The following FOXRED2 variants were observed in gnomAD, a reference collection of about 807,000 sequenced individuals.
FOXRED2 encodes FAD dependent oxidoreductase domain containing 2, also known as FAD-dependent oxidoreductase domain-containing protein 2.
FOXRED2 carries 32 observed loss-of-function variants against 52.5 expected under a neutral mutation model. The observed-to-expected ratio is 0.61, with a 90% CI of 0.46 to 0.82. FOXRED2 has a LOEUF of 0.82. Among genes scored for constraint, FOXRED2 ranks in the 40% least tolerant of loss-of-function variants. FOXRED2 has a pLI of 0.00. For missense variants in FOXRED2, 848 were observed against 937.5 expected, an observed-to-expected ratio of 0.90 and a Z score of 1.25; for synonymous variants, 405 against 398.1, an observed-to-expected ratio of 1.02 and a Z score of -0.21.
chr22:36,491,392 T>G (rs1040937086), intron 8 of FOXRED2, among the ~76,000 whole-genome samples: 1 of 151,132 alleles, frequency 6.6e-6, no homozygotes, highest in African/African-American at 2.4e-5. Flanking sequence ...ATCACAGGAG[T>G]GGTTTCTTTT....
chr22:36,501,493 T>G lies in FOXRED2; in HGVS notation c.1050-86A>C, dbSNP rs538627745. ...AGTTAGTTTTGAGATGGAGTTTCGCTCTTGTCGCCCAGGTTAGAGTACAAT... is the reference window on the plus strand; with the variant it reads ...AGTTAGTTTTGAGATGGAGTTTCGCGCTTGTCGCCCAGGTTAGAGTACAAT... On this transcript the variant is annotated intron_variant, in intron 4 of 8. Coordinates refer to ENST00000397224, the MANE Select transcript of FOXRED2 (RefSeq NM_001102371.2). 2.9e-6 allele frequency: 4 copies of G among 1,379,288 alleles called. No homozygotes were observed. The African/African-American group carries it at 5.7e-5, about 20-fold the overall frequency. The allele number at this position is 1,379,288 out of a possible 1,614,324, so 85.4% of individuals were successfully genotyped here. A position where few individuals can be genotyped will look rare whatever the true frequency, so the allele number is the denominator to read the frequency against.
intron 7 of FOXRED2, among the ~76,000 whole-genome samples, chr22:36,494,209 T>C (rs764727534): frequency 5.3e-5 from 8 of 152,150 alleles, no homozygotes; most frequent in Non-Finnish European, 1.0e-4. Context: ...CTCTACCTCC[T>C]GGGTTCAAGC....
Position 36,506,341 on chromosome 22 carries a change from G to T in FOXRED2, c.82C>A (p.Pro28Thr), listed in dbSNP as rs1233959705. The T allele has an allele frequency of 4.0e-6, 6 of 1,487,908 alleles. No individual in the cohort carries two copies. In the East Asian group the frequency reaches 7.4e-5, roughly 18 times the overall value. The allele number at this position is 1,487,908 out of a possible 1,614,324, so 92.2% of individuals were successfully genotyped here. The change falls in exon 2 of 9, where the codon CCC (proline) becomes ACC (threonine). Residue 28 changes from proline to threonine, a missense_variant. Coordinates refer to ENST00000397224, the MANE Select transcript of FOXRED2 (RefSeq NM_001102371.2). ...AIALHPALSV[P>T]PRRDYCVLGA... The stretch of plus-strand genomic sequence containing the variant: ...AGCACGCAGTAGTCCCGGCGCGGGG[G>T]CACCGACAGCGCTGGGTGCAGGGCG...
At chr22:36,496,304 C>G in intron 6 of FOXRED2, 96 bp from the exon 7 acceptor site, 3 of 1,464,040 alleles carry the variant, frequency 2.0e-6, no homozygotes, top group Non-Finnish European at 2.8e-6. Context: ...TGTGTATCTC[C>G]CCCTCTAAGG....
At chr22:36,491,860 A>G (rs1209281333) in intron 8 of FOXRED2, among the ~76,000 whole-genome samples, 2 of 152,194 alleles carry the variant, frequency 1.3e-5, no homozygotes, top group African/African-American at 4.8e-5. Context: ...AAGACTTTAA[A>G]CAAACAGAAG....
In FOXRED2 at chr22:36,498,001, G is replaced by A. The variant is rs748830410; in HGVS notation, c.1372C>T (p.Leu458=). Residue 458 remains leucine (L), a synonymous_variant, in exon 6 of 9, where the codon CTG becomes TTG. Coordinates refer to ENST00000397224, the MANE Select transcript of FOXRED2 (RefSeq NM_001102371.2). The part of the protein sequence containing the change: ...QMFGVLADVI[L]LKENSTAFEY... ...GGACGGGCTACTCACTCCTTCAACA[G>A]GATGACATCGGCCAGCACACCGAAC... 1 of 1,613,886 alleles carries A rather than the reference G, an allele frequency of 6.2e-7. No homozygotes were observed. Among genetic ancestry groups the A allele is most frequent in the South Asian group, 1.1e-5 (1 of 91,068 alleles).
Position 36,504,119 on chromosome 22 carries a change from A to C in FOXRED2, c.1028T>G (p.Phe343Cys). Residue 343 changes from phenylalanine (F) to cysteine (C), a missense_variant, in exon 4 of 9, where the codon TTT (phenylalanine) becomes TGT (cysteine). Coordinates refer to ENST00000397224, the MANE Select transcript of FOXRED2 (RefSeq NM_001102371.2). ...DRVIRCLGWN[F>C]DFSIFNKSLR... ...TCACTTATTGAAAATGGAGAAGTCAAAGTTCCAGCCCAGGCAGCGGATTAC... is the reference window on the plus strand; with the variant it reads ...TCACTTATTGAAAATGGAGAAGTCACAGTTCCAGCCCAGGCAGCGGATTAC... The C allele has an allele frequency of 6.2e-7, 1 of 1,614,164 alleles. No homozygotes were observed. The highest frequency in any genetic ancestry group is 1.1e-5 in the South Asian group (1 of 91,076).
At chr22:36,494,304 G>A (rs1050349854) in intron 7 of FOXRED2, among the ~76,000 whole-genome samples, 1 of 152,014 alleles carries the variant, frequency 6.6e-6, no homozygotes, top group East Asian at 1.9e-4. Flanking sequence ...TTTTCGTAGA[G>A]ATGGGGTTTC....
Position 36,496,192 on chromosome 22 carries a change from C to A in FOXRED2, c.1399G>T (p.Glu467Ter). The A allele has an allele frequency of 6.2e-7, 1 of 1,613,798 alleles. No individual in the cohort carries two copies. Among genetic ancestry groups the A allele is most frequent in the Non-Finnish European group, 8.5e-7 (1 of 1,180,028 alleles). The change falls in exon 7 of 9, where the codon GAG becomes TAG. Residue 467 changes from glutamate to a stop codon, truncating the protein, a stop_gained. Transcript: ENST00000397224. LOFTEE classifies it high-confidence loss of function. Reference sequence around the variant, plus strand: ...TGTATGGGGAACTCCTCCAGGTACTCAAAGGCCGTGGAATTCCTGGGAGAA... The same window carrying A: ...TGTATGGGGAACTCCTCCAGGTACTAAAAGGCCGTGGAATTCCTGGGAGAA... ...ILLKENSTAF[E>*]YLEEFPIQML... is the part of the protein sequence containing the mutation.
At chr22:36,504,434 G>A (rs1332256217) in intron 3 of FOXRED2, 67 bp from the exon 4 acceptor site, 4 of 1,607,520 alleles carry the variant, frequency 2.5e-6, no homozygotes, top group Admixed American at 3.3e-5. Context: ...CTGGGGTCAG[G>A]AAGGGCAGGG....
chr22:36,495,855 C>T (rs1933881647), intron 7 of FOXRED2, 112 bp downstream of exon 7: 2 of 1,229,200 alleles, frequency 1.6e-6, no homozygotes, highest in Non-Finnish European at 2.3e-6. Flanking sequence ...GTCCCGCAGC[C>T]ATCCCACCTG....
intron 2 of FOXRED2, 27 bp downstream of exon 2, chr22:36,505,869 G>T (rs761187724): frequency 6.3e-6 from 10 of 1,596,956 alleles, no homozygotes; most frequent in Non-Finnish European, 8.6e-6. Flanking sequence ...CCCAGCTTCC[G>T]CAGGTGAGCT....
rs374080595 is a variant in FOXRED2, at chr22:36,490,092, C to G, written c.1971G>C (p.Gln657His). ...AACCTAGTGGCTCTTGGTCGCCAAG[C>G]TGCTGGCTGCTGTCCTCCAGGCGCC... is the stretch of plus-strand genomic sequence containing the variant. ...TGRRLEDSSQ[Q>H]LGDQEPLGSP... The change falls in exon 9 of 9, where the codon CAG (glutamine) becomes CAC (histidine). Residue 657 changes from glutamine (Q) to histidine (H), a missense_variant. By Grantham distance (24) the Gln-to-His change is conservative. Transcript: ENST00000397224. The G allele has an allele frequency of 1.2e-5, 19 of 1,613,680 alleles. No individual in the cohort carries two copies. Among genetic ancestry groups the G allele is most frequent in the Non-Finnish European group, 1.5e-5 (18 of 1,179,762 alleles).
chr22:36,502,235 A>T (rs1052601998), intron 4 of FOXRED2, among the ~76,000 whole-genome samples: 5 of 152,142 alleles, frequency 3.3e-5, no homozygotes, highest in Admixed American at 1.3e-4. Context: ...CTGTAATCCT[A>T]GCACTTTGGG....
chr22:36,502,253 T>C (rs1013657497), intron 4 of FOXRED2, among the ~76,000 whole-genome samples: 23 of 152,092 alleles, frequency 1.5e-4, no homozygotes, highest in Non-Finnish European at 2.9e-5. Context: ...GGGAGGCCGA[T>C]GGAAAGGAGG....
intron 8 of FOXRED2, among the ~76,000 whole-genome samples, chr22:36,492,497 C>T (rs1206536168): frequency 6.6e-6 from 1 of 152,200 alleles, no homozygotes; most frequent in Non-Finnish European, 1.5e-5. Flanking sequence ...TTCACTCCCT[C>T]ACACACCCTG....
At position 36,496,221 on chromosome 22, in the gene FOXRED2, C is replaced by T. The variant is rs377076122; in HGVS notation, c.1383-13G>A. On this transcript the variant is annotated splice_polypyrimidine_tract_variant and intron_variant, in intron 6 of 8. Transcript: ENST00000397224. ...GGCCGTGGAATTCCTGGGAGAACAG[C>T]AACGCGGGGGAGGCCCTCAGTGCTG... 4.3e-6 allele frequency: 7 copies of T among 1,612,872 alleles called. No homozygotes were observed. Among genetic ancestry groups the T allele is most frequent in the Middle Eastern group, 1.9e-4 (1 of 5,146 alleles).
At chr22:36,505,819 C>G in intron 2 of FOXRED2, 77 bp downstream of exon 2, 1 of 1,466,582 alleles carries the variant, frequency 6.8e-7, no homozygotes, top group Non-Finnish European at 9.4e-7. Context: ...CCTCCCATAC[C>G]TACTGGCCAA....
In FOXRED2 at chr22:36,490,142, G is replaced by A; in HGVS notation, c.1921C>T (p.Leu641=). The change falls in exon 9 of 9, where the codon CTG becomes TTG. Residue 641 remains leucine, a synonymous_variant. Transcript: ENST00000397224. ...LWQHRVESRL[L]RDYAPTGRRL... ...CTGCCTGTGGGGGCATAGTCCCGCA[G>A]GAGCCTGCTCTCCACTCTGTGCTGC... 3 of 1,614,128 alleles carry A rather than the reference G, an allele frequency of 1.9e-6. No individual in the cohort carries two copies. Among genetic ancestry groups the A allele is most frequent in the South Asian group, 1.1e-5 (1 of 91,080 alleles).
Sources: allele counts gnomAD v4.1 joint callset (sites outside exome capture counted in the v4.1 genomes callset), GRCh38; gene constraint gnomAD v4.1.1; transcripts MANE v1.5; gene names NCBI Gene and HGNC (gene_info 2026-07-23, HGNC 2026-07-21).